SPATA13: variants seen among roughly 807,000 people sequenced by gnomAD.
SPATA13 encodes the protein spermatogenesis associated 13, also known as spermatogenesis-associated protein 13.
In SPATA13, 50 loss-of-function variants were observed where a neutral mutation model predicts 104.0. The observed-to-expected ratio is 0.48, with a 90% CI of 0.38 to 0.61. SPATA13 has a LOEUF of 0.61. Ranked by LOEUF, SPATA13 falls within the 20% of genes least tolerant of loss-of-function variation. SPATA13 has a pLI of 0.00. For synonymous variants in SPATA13, 606 were observed against 667.5 expected, an observed-to-expected ratio of 0.91 and a Z score of 1.42; for missense variants, 1,524 against 1,690.6, an observed-to-expected ratio of 0.90 and a Z score of 1.73.
At chr13:24,234,428 A>G (rs1593446070) in intron 2 of SPATA13, among the ~76,000 whole-genome samples, 1 of 152,084 alleles carries the variant, frequency 6.6e-6, no homozygotes, top group South Asian at 2.1e-4. Flanking sequence ...CTCCTCTTCT[A>G]TATTTCTCTT....
rs758977435 is a variant in SPATA13 at position 24,200,712 on chromosome 13, C to T, written c.-111-22107C>T. ...CTCTCGGTGGTCCCCTTAAATTACA[C>T]GTGTGATTAGTTTCTCTTGTGCCCG... On this transcript the variant is annotated intron_variant, in intron 1 of 12. Transcript: ENST00000382108. Among the ~76,000 whole-genome samples, 258 of 80,420 alleles carry T rather than the reference C, an allele frequency of 3.2e-3. 2 individuals are homozygous for T. Among genetic ancestry groups the T allele is most frequent in the Admixed American group, 6.9e-3 (52 of 7,552 alleles). 52.8% of individuals were successfully genotyped at this position (80,420 alleles called of 152,430 possible). A position where few individuals can be genotyped will look rare whatever the true frequency, so the allele number is the denominator to read the frequency against.
At chr13:24,007,930 C>T (rs563574434) in intron 2 of SPATA13, among the ~76,000 whole-genome samples, 2 of 152,194 alleles carry the variant, frequency 1.3e-5, no homozygotes, top group Admixed American at 6.5e-5. Context: ...CAAGAAAGGA[C>T]AGAAATTAGC....
chr13:24,077,524 A>C lies in SPATA13; in HGVS notation c.-112+59823A>C, dbSNP rs1593315100. ...GAAGAAAAATTTCCTATCAGGTACA[A>C]TCACCATTTGGAGAATGGACACTGG... On this transcript the variant is annotated intron_variant, in intron 3 of 14. Coordinates refer to the SPATA13 transcript ENST00000424834. 1.3e-5 allele frequency among the ~76,000 whole-genome samples: 2 copies of C among 152,124 alleles called. 1 individual carries two copies. Among genetic ancestry groups the C allele is most frequent in the South Asian group, 4.1e-4 (2 of 4,822 alleles).
chr13:24,213,616 T>A (rs924615279), intron 1 of SPATA13, among the ~76,000 whole-genome samples: 3 of 152,212 alleles, frequency 2.0e-5, no homozygotes, highest in African/African-American at 7.2e-5. Context: ...CTGTCCTTTT[T>A]CTCATTCTGC....
At chr13:24,146,556 T>C (rs544217147) in intron 3 of SPATA13, among the ~76,000 whole-genome samples, 18 of 152,296 alleles carry the variant, frequency 1.2e-4, no homozygotes, top group African/African-American at 3.4e-4. Flanking sequence ...TAAACCTGTA[T>C]GATAATTAAC....
At chr13:24,145,554 GA>G (rs1881902207) in intron 3 of SPATA13, among the ~76,000 whole-genome samples, 1 of 152,216 alleles carries the variant, frequency 6.6e-6, no homozygotes, top group African/African-American at 2.4e-5. Flanking sequence ...AGAAGAGTCA[GA>G]GGGGTGGCAT....
At chr13:24,138,704 C>A (rs1019420586) in intron 3 of SPATA13, among the ~76,000 whole-genome samples, 2 of 151,924 alleles carry the variant, frequency 1.3e-5, no homozygotes, top group African/African-American at 4.8e-5. Context: ...CCACCTCAGC[C>A]TCCTGAGTAA....
intron 10 of SPATA13, among the ~76,000 whole-genome samples, chr13:24,297,111 T>C (rs1173399351): frequency 6.6e-6 from 1 of 152,116 alleles, no homozygotes; most frequent in Non-Finnish European, 1.5e-5. Context: ...TGATCACCAT[T>C]CACTACAGCC....
intron 3 of SPATA13, among the ~76,000 whole-genome samples, chr13:24,250,634 T>G (rs1213211070): frequency 1.3e-5 from 2 of 152,248 alleles, no homozygotes; most frequent in Non-Finnish European, 2.9e-5. Context: ...TAGTACTGGA[T>G]TGTATACGTC....
chr13:24,272,263 C>A (rs896825286), intron 4 of SPATA13, among the ~76,000 whole-genome samples: 3 of 152,164 alleles, frequency 2.0e-5, no homozygotes. Context: ...CCCGACCCAG[C>A]CTCCAGCTCT....
rs540116633 is a variant in SPATA13 at position 24,303,028 on chromosome 13, A to G, written c.*255A>G. Reference sequence around the variant, plus strand: ...CCCGTGACCCACTATGAGATGGCCCAGATGTGGGACCCGGTACCATGCTCT... The same window carrying G: ...CCCGTGACCCACTATGAGATGGCCCGGATGTGGGACCCGGTACCATGCTCT... On this transcript the variant is annotated 3_prime_UTR_variant, in exon 13 of 13. Coordinates refer to ENST00000382108, the MANE Select transcript of SPATA13 (RefSeq NM_001166271.3). 5.6e-5 allele frequency: 30 copies of G among 532,166 alleles called. No homozygotes were observed. In the East Asian group the frequency reaches 1.0e-3, roughly 18 times the overall value. The allele number at this position is 532,166 out of a possible 1,614,324, so 33.0% of individuals were successfully genotyped here.
At chr13:24,269,741 A>AT (rs71070673) in intron 4 of SPATA13, among the ~76,000 whole-genome samples, 37,806 of 75,774 alleles carry the variant, frequency 0.5, 11,147 homozygotes, top group Non-Finnish European at 0.6. Context: ...GCTAATATAA[A>AT]TTTTTTTTTT....
At chr13:24,054,563 A>G (rs997591528) in intron 3 of SPATA13, among the ~76,000 whole-genome samples, 2 of 152,138 alleles carry the variant, frequency 1.3e-5, no homozygotes, top group Non-Finnish European at 2.9e-5. Context: ...ATTAACTTTG[A>G]CATGTAGCAG....
At position 24,017,056 on chromosome 13, in the gene SPATA13, G is replaced by T. The variant is rs142418222; in HGVS notation, c.-146-611G>T. The stretch of plus-strand genomic sequence containing the variant: ...GAGCGCCCGAAGTGTGGGAGGAGGT[G>T]ACAGGGTCAGGGGGCAGACATCCTT... On this transcript the variant is annotated intron_variant, in intron 2 of 14. Transcript: ENST00000424834. 2.4e-3 allele frequency among the ~76,000 whole-genome samples: 358 copies of T among 152,244 alleles called. 4 individuals are homozygous for T. Among genetic ancestry groups the T allele is most frequent in the Non-Finnish European group, 4.1e-3 (280 of 68,024 alleles).
At chr13:24,006,662 C>T (rs756841722) in intron 2 of SPATA13, among the ~76,000 whole-genome samples, 1 of 152,142 alleles carries the variant, frequency 6.6e-6, no homozygotes, top group Non-Finnish European at 1.5e-5. Context: ...GTCTTAGGGG[C>T]CTGCACGGCT....
At chr13:24,000,823 C>G (rs902217512) in intron 2 of SPATA13, among the ~76,000 whole-genome samples, 2 of 151,840 alleles carry the variant, frequency 1.3e-5, no homozygotes, top group Non-Finnish European at 2.9e-5. Context: ...CGGGAGAACC[C>G]TGGGTGAGAG....
intron 3 of SPATA13, among the ~76,000 whole-genome samples, chr13:24,105,716 A>G (rs1002810904): frequency 6.6e-6 from 1 of 152,170 alleles, no homozygotes; most frequent in Admixed American, 6.5e-5. Flanking sequence ...CATAGGTCAA[A>G]GCCCTAATCC....
intron 1 of SPATA13, among the ~76,000 whole-genome samples, chr13:24,175,946 A>C (rs1026703826): frequency 6.6e-5 from 10 of 152,248 alleles, no homozygotes; most frequent in Non-Finnish European, 1.5e-5. Context: ...CGATAGTTAA[A>C]ATACTCTGCA....
chr13:24,261,587 G>A (rs1874065869), intron 4 of SPATA13, among the ~76,000 whole-genome samples: 1 of 152,130 alleles, frequency 6.6e-6, no homozygotes, highest in Non-Finnish European at 1.5e-5. Flanking sequence ...AACATTTGGG[G>A]ACCAGTGAAG....
Sources: allele counts gnomAD v4.1 joint callset (sites outside exome capture counted in the v4.1 genomes callset), GRCh38; gene constraint gnomAD v4.1.1; transcripts MANE v1.5; gene names NCBI Gene and HGNC (gene_info 2026-07-23, HGNC 2026-07-21).